Variants in TMPRSS12 observed in about 807,000 individuals in gnomAD.
TMPRSS12 encodes transmembrane protease serine 12.
TMPRSS12 carries 25 observed loss-of-function variants against 26.0 expected under a neutral mutation model. That is an observed-to-expected ratio of 0.96 (90% CI 0.70 to 1.34). TMPRSS12 has a LOEUF of 1.34. Ranked by LOEUF, TMPRSS12 falls within the 40% of genes most tolerant of loss-of-function variation. The probability of loss-of-function intolerance (pLI) is 0.00; values close to 1 mark genes in which losing one functional copy is unlikely to be tolerated. For missense variants in TMPRSS12, 441 were observed against 440.1 expected, an observed-to-expected ratio of 1.00 and a Z score of -0.02; for synonymous variants, 150 against 161.7, an observed-to-expected ratio of 0.93 and a Z score of 0.55.
chr12:50,846,157 A>AT lies in TMPRSS12; in HGVS notation c.383+2128dup, dbSNP rs967766626. Among the ~76,000 whole-genome samples the AT allele has an allele frequency of 5.9e-5, 9 of 152,040 alleles. No homozygotes were observed. In the South Asian group the frequency reaches 6.2e-4, roughly 11 times the overall value. ...AATTTTGATGAAGTCAAATTTATCT[A>AT]TTTTTTTTCTTTTGTTGCCTGTGTT... On this transcript the variant is annotated intron_variant, in intron 2 of 4. Transcript: ENST00000398458.
chr12:50,884,045 GA>G (rs1428314936), intron 3 of TMPRSS12, among the ~76,000 whole-genome samples: 1 of 152,106 alleles, frequency 6.6e-6, no homozygotes, highest in Non-Finnish European at 1.5e-5. Context: ...TCTCTTGATG[GA>G]ATTCATCACA....
At chr12:50,859,155 G>T in intron 3 of TMPRSS12, 102 bp downstream of exon 3, 1 of 1,067,162 alleles carries the variant, frequency 9.4e-7, no homozygotes, top group Non-Finnish European at 1.3e-6. Flanking sequence ...TGACATTTAA[G>T]TTAATGACAG....
chr12:50,877,890 A>G (rs1437683207), intron 3 of TMPRSS12, among the ~76,000 whole-genome samples: 1 of 152,236 alleles, frequency 6.6e-6, no homozygotes, highest in Non-Finnish European at 1.5e-5. Flanking sequence ...GATTACAGAC[A>G]TTAGCCACCA....
In TMPRSS12 at chr12:50,872,909, CTATATATGTACATATATGATG is replaced by C. The variant is rs1348820119; in HGVS notation, c.653-12319_653-12299del. On this transcript the variant is annotated intron_variant, in intron 3 of 4. Coordinates refer to ENST00000398458, the MANE Select transcript of TMPRSS12 (RefSeq NM_182559.3). ...GACGTATATATGTACATATATATGA[CTATATATGTACATATATGATG>C]TATATATGTACATATATATGACGTA... Among the ~76,000 whole-genome samples, 7 of 58,498 alleles carry C rather than the reference CTATATATGTACATATATGATG, an allele frequency of 1.2e-4. 1 individual carries two copies. The highest frequency in any genetic ancestry group is 4.4e-4 in the African/African-American group (5 of 11,394). 38.4% of individuals were successfully genotyped at this position (58,498 alleles called of 152,430 possible). A position where few individuals can be genotyped will look rare whatever the true frequency, so the allele number is the denominator to read the frequency against.
intron 3 of TMPRSS12, among the ~76,000 whole-genome samples, chr12:50,864,622 AAGGT>A (rs1245836052): frequency 6.6e-6 from 1 of 152,200 alleles, no homozygotes; most frequent in Non-Finnish European, 1.5e-5. Context: ...AAAGAACTAA[AAGGT>A]AGAATTAAAA....
intron 2 of TMPRSS12, among the ~76,000 whole-genome samples, chr12:50,846,794 G>A (rs963332927): frequency 2.0e-4 from 31 of 152,026 alleles, no homozygotes; most frequent in Admixed American, 1.8e-3. Flanking sequence ...TGCCCAGGCT[G>A]GTCTGAAACT....
At chr12:50,858,239 G>C (rs1386404959) in intron 2 of TMPRSS12, among the ~76,000 whole-genome samples, 1 of 152,068 alleles carries the variant, frequency 6.6e-6, no homozygotes, top group Non-Finnish European at 1.5e-5. Flanking sequence ...ATATTTTATC[G>C]ATCTCCCATG....
chr12:50,843,828 A>G lies in TMPRSS12; in HGVS notation c.188-14A>G, dbSNP rs77536362. 3,664 of 1,548,960 alleles carry G rather than the reference A, an allele frequency of 2.4e-3. 12 individuals are homozygous for G. Among genetic ancestry groups the G allele is most frequent in the Non-Finnish European group, 3.0e-3 (3,384 of 1,146,374 alleles). On this transcript the variant is annotated splice_polypyrimidine_tract_variant and intron_variant, in intron 1 of 4. Transcript: ENST00000398458. ...AGATGCTCAGTCCAAATAATATATC[A>G]TTTTTATTTTTAGATTGTGGAACAG... is the stretch of plus-strand genomic sequence containing the variant.
chr12:50,882,654 A>C (rs368958276), intron 3 of TMPRSS12, among the ~76,000 whole-genome samples: 1 of 24,554 alleles, frequency 4.1e-5, no homozygotes, highest in East Asian at 1.6e-3. Flanking sequence ...TCCTTTGTAA[A>C]TAACCCAAAC....
intron 3 of TMPRSS12, among the ~76,000 whole-genome samples, chr12:50,878,337 T>C (rs1938131861): frequency 6.6e-6 from 1 of 152,150 alleles, no homozygotes; most frequent in Non-Finnish European, 1.5e-5. Context: ...TCCCAGCATT[T>C]TGGGAGACCA....
At chr12:50,853,350 G>C (rs1937844180) in intron 2 of TMPRSS12, among the ~76,000 whole-genome samples, 1 of 151,990 alleles carries the variant, frequency 6.6e-6, no homozygotes, top group African/African-American at 2.4e-5. Flanking sequence ...AGTTTATGGT[G>C]CTAAATGCCC....
chr12:50,869,725 A>C (rs1276639007), intron 3 of TMPRSS12, among the ~76,000 whole-genome samples: 1 of 152,226 alleles, frequency 6.6e-6, no homozygotes, highest in African/African-American at 2.4e-5. Flanking sequence ...ACTATTCCTG[A>C]TGAACATAGG....
chr12:50,884,137 A>C (rs6580774), intron 3 of TMPRSS12, among the ~76,000 whole-genome samples: 94,089 of 152,084 alleles, frequency 0.62, 29,247 homozygotes, highest in South Asian at 0.69. Context: ...CTAGACATAG[A>C]AGGGAATTTC....
chr12:50,860,913 T>C (rs1185171072), intron 3 of TMPRSS12, among the ~76,000 whole-genome samples: 2 of 151,992 alleles, frequency 1.3e-5, no homozygotes, highest in African/African-American at 2.4e-5. Context: ...GCCCAGCTTT[T>C]GTTTGTTTGT....
intron 3 of TMPRSS12, 146 bp from the exon 4 acceptor site, chr12:50,885,100 C>T: frequency 1.5e-6 from 1 of 661,340 alleles, no homozygotes; most frequent in Non-Finnish European, 2.4e-6. Flanking sequence ...CCTAGGCATA[C>T]ATACATATTC....
chr12:50,855,967 A>G (rs926938874), intron 2 of TMPRSS12, among the ~76,000 whole-genome samples: 3 of 152,200 alleles, frequency 2.0e-5, no homozygotes. Context: ...AGAAAACCGA[A>G]TATTACATGT....
At position 50,887,469 on chromosome 12, in the gene TMPRSS12, A is replaced by T. The variant is rs1938239301; in HGVS notation, c.1003A>T (p.Ile335Phe). ...ILTINILRGQ[I>F]LIALCFVILL... ...TACTATAAATATTTTACGTGGCCAG[A>T]TCCTCATAGCTTTATGTTTTGTCAT... Residue 335 changes from isoleucine (I) to phenylalanine (F), a missense_variant, in exon 5 of 5, where the codon ATC (isoleucine) becomes TTC (phenylalanine). Ile to Phe is a conservative substitution (Grantham distance 21, BLOSUM62 0). Coordinates refer to ENST00000398458, the MANE Select transcript of TMPRSS12 (RefSeq NM_182559.3). 1 of 1,613,756 alleles carries T rather than the reference A, an allele frequency of 6.2e-7. No homozygotes were observed. Among genetic ancestry groups the T allele is most frequent in the Admixed American group, 1.7e-5 (1 of 59,984 alleles).
intron 2 of TMPRSS12, among the ~76,000 whole-genome samples, chr12:50,857,595 T>C (rs1937890681): frequency 6.6e-6 from 1 of 152,228 alleles, no homozygotes; most frequent in Non-Finnish European, 1.5e-5. Flanking sequence ...TTAACTACTG[T>C]TAACCTCTCG....
At position 50,887,337 on chromosome 12, in the gene TMPRSS12, G is replaced by A. The variant is rs193181104; in HGVS notation, c.871G>A (p.Gly291Arg). Residue 291 changes from glycine (G) to arginine (R), a missense_variant, in exon 5 of 5, where the codon GGA becomes AGA. Coordinates refer to ENST00000398458, the MANE Select transcript of TMPRSS12 (RefSeq NM_182559.3). ...RFFVMGITSY[G>R]HGCGRRGFPG... ...TTTTGTAATGGGAATTACCAGTTAC[G>A]GACATGGCTGTGGTCGAAGAGGTTT... 9.3e-4 allele frequency: 1,494 copies of A among 1,613,870 alleles called. No homozygotes were observed. Among genetic ancestry groups the A allele is most frequent in the Non-Finnish European group, 8.5e-4 (1,005 of 1,179,862 alleles).
Sources: gnomAD v4.1 joint callset for allele counts (sites outside exome capture counted in the v4.1 genomes callset) on GRCh38, gnomAD v4.1.1 for gene constraint, MANE v1.5 for transcripts, NCBI Gene and HGNC (gene_info 2026-07-23, HGNC 2026-07-21) for gene names.